EDNRB: variants seen among roughly 807,000 people sequenced by gnomAD.
EDNRB encodes the protein Hirschsprung disease 2.
In EDNRB, 18 loss-of-function variants were observed where a neutral mutation model predicts 46.4. That is an observed-to-expected ratio of 0.39 (90% CI 0.27 to 0.57). The LOEUF is 0.57. Ranked by LOEUF, EDNRB falls within the 20% of genes least tolerant of loss-of-function variation. The probability of loss-of-function intolerance (pLI) is 0.61; values close to 1 mark genes in which losing one functional copy is unlikely to be tolerated. For synonymous variants in EDNRB, 213 were observed against 204.9 expected (o/e 1.04, Z -0.34); for missense variants, 434 against 537.5 (o/e 0.81, Z 1.90).
chr13:77,907,428 C>T (rs762770318), intron 1 of EDNRB, among the ~76,000 whole-genome samples: 2 of 151,918 alleles, frequency 1.3e-5, no homozygotes, highest in Non-Finnish European at 2.9e-5. Context: ...CCTATATTTG[C>T]AGCTTGCAAA....
At chr13:77,942,846 AT>A (rs1300069882) in intron 1 of EDNRB, among the ~76,000 whole-genome samples, 1 of 152,164 alleles carries the variant, frequency 6.6e-6, no homozygotes, top group Non-Finnish European at 1.5e-5. Flanking sequence ...TCTAAATTAT[AT>A]AGGCTTTTTC....
At chr13:77,944,954 A>C (rs1315834636) in intron 1 of EDNRB, 1 of 152,174 alleles carries the variant, frequency 6.6e-6, no homozygotes, top group Non-Finnish European at 1.5e-5. Flanking sequence ...AAAGAAATGG[A>C]AGAGTTGGTA....
intron 1 of EDNRB, among the ~76,000 whole-genome samples, chr13:77,926,676 A>G (rs930100223): frequency 5.3e-5 from 8 of 151,824 alleles, no homozygotes; most frequent in Admixed American, 1.3e-4. Flanking sequence ...AAACTCTTCC[A>G]CCTCTGCGTG....
chr13:77,898,691 T>C (rs1234710611), intron 6 of EDNRB, among the ~76,000 whole-genome samples: 2 of 152,036 alleles, frequency 1.3e-5, no homozygotes, highest in Non-Finnish European at 2.9e-5. Flanking sequence ...AAATAAATTA[T>C]ACACATGTAT....
chr13:77,958,378 T>A (rs1881301219), intron 1 of EDNRB, among the ~76,000 whole-genome samples: 1 of 150,958 alleles, frequency 6.6e-6, no homozygotes, highest in Admixed American at 6.6e-5. Flanking sequence ...ATTTATTTAT[T>A]TATTTATTTA....
rs547348750 is a variant in EDNRB, at chr13:77,963,620, C to G, written c.-52+11727G>C. On this transcript the variant is annotated intron_variant, in intron 1 of 7. Coordinates refer to the EDNRB transcript ENST00000646948. ...CTTACACCTTATACAAAAATTAATT[C>G]AAGATGGATTAAAGACTTAAATGTT... 6.2e-3 allele frequency among the ~76,000 whole-genome samples: 936 copies of G among 151,818 alleles called. 10 individuals are homozygous for G. Among genetic ancestry groups the G allele is most frequent in the African/African-American group, 0.021 (859 of 41,272 alleles).
At chr13:77,908,292 A>G (rs1201577129) in intron 1 of EDNRB, among the ~76,000 whole-genome samples, 1 of 151,928 alleles carries the variant, frequency 6.6e-6, no homozygotes, top group Non-Finnish European at 1.5e-5. Context: ...CTGTGACAGA[A>G]ACCATGCCCA....
intron 1 of EDNRB, among the ~76,000 whole-genome samples, chr13:77,961,098 A>T (rs1187298897): frequency 6.6e-6 from 1 of 152,132 alleles, no homozygotes; most frequent in Non-Finnish European, 1.5e-5. Context: ...ATAATGGGAG[A>T]CTTTAACACC....
intron 1 of EDNRB, among the ~76,000 whole-genome samples, chr13:77,906,022 A>G (rs1305355337): frequency 1.3e-5 from 2 of 151,932 alleles, no homozygotes; most frequent in Admixed American, 6.6e-5. Context: ...CCAAGAAAGG[A>G]AGCACTGATG....
chr13:77,943,213 C>T (rs918441216), intron 1 of EDNRB, among the ~76,000 whole-genome samples: 4 of 152,030 alleles, frequency 2.6e-5, no homozygotes, highest in African/African-American at 9.7e-5. Flanking sequence ...ATTGACTTAC[C>T]TAAATTATCT....
At chr13:77,966,135 T>A (rs1881574857) in intron 1 of EDNRB, among the ~76,000 whole-genome samples, 1 of 152,136 alleles carries the variant, frequency 6.6e-6, no homozygotes, top group Admixed American at 6.6e-5. Flanking sequence ...GTGCTCCTCA[T>A]ACCTTGGCCT....
At chr13:77,942,895 C>G (rs1880794815) in intron 1 of EDNRB, among the ~76,000 whole-genome samples, 1 of 152,046 alleles carries the variant, frequency 6.6e-6, no homozygotes, top group African/African-American at 2.4e-5. Flanking sequence ...CTTCCCTCTA[C>G]TTATAGTAAT....
At chr13:77,900,911 C>A in intron 4 of EDNRB, 147 bp downstream of exon 4, 2 of 971,160 alleles carry the variant, frequency 2.1e-6, no homozygotes, top group Admixed American at 2.8e-5. Context: ...TAAAAATATT[C>A]TTTATCTATT....
chr13:77,974,567 C>G (rs1204300093), intron 1 of EDNRB, among the ~76,000 whole-genome samples: 2 of 151,560 alleles, frequency 1.3e-5, no homozygotes, highest in African/African-American at 2.4e-5. Context: ...TTCTTAACTA[C>G]TTGTATATCT....
At chr13:77,972,892 T>A (rs939058468) in intron 1 of EDNRB, among the ~76,000 whole-genome samples, 7 of 152,204 alleles carry the variant, frequency 4.6e-5, no homozygotes, top group African/African-American at 1.7e-4. Context: ...TTGACTCAGG[T>A]GTGATGAGTC....
rs1878699747 is a variant in EDNRB, at chr13:77,897,598, T to A, written c.*602A>T. 1 of 985,392 alleles carries A rather than the reference T, an allele frequency of 1.0e-6. No homozygotes were observed. Among genetic ancestry groups the A allele is most frequent in the Non-Finnish European group, 1.2e-6 (1 of 830,082 alleles). The allele number at this position is 985,392 out of a possible 1,614,324, so 61.0% of individuals were successfully genotyped here. On this transcript the variant is annotated 3_prime_UTR_variant, in exon 7 of 7. Transcript: ENST00000646607. ...GGGCTTCTAGTGAAAGTGTAATGAT[T>A]TTCAAAAACAGCCTTGCTCTTTCTG... is the stretch of plus-strand genomic sequence containing the variant.
intron 1 of EDNRB, among the ~76,000 whole-genome samples, chr13:77,958,415 C>T (rs531307959): frequency 1.9e-4 from 29 of 152,120 alleles, no homozygotes; most frequent in African/African-American, 7.0e-4. Flanking sequence ...CGCTGTCTCC[C>T]AGGCTGGAGC....
chr13:77,967,110 A>G (rs564156759), intron 1 of EDNRB, among the ~76,000 whole-genome samples: 2 of 152,298 alleles, frequency 1.3e-5, no homozygotes, highest in East Asian at 3.9e-4. Context: ...TTAAGAGAAG[A>G]CTGAATAATA....
chr13:77,927,865 G>A (rs1238499792), intron 1 of EDNRB, among the ~76,000 whole-genome samples: 3 of 152,214 alleles, frequency 2.0e-5, no homozygotes, highest in Non-Finnish European at 4.4e-5. Flanking sequence ...GGGACCTGGT[G>A]TGAGGTAATT....
Sources: gnomAD v4.1 joint callset for allele counts (sites outside exome capture counted in the v4.1 genomes callset) on GRCh38, gnomAD v4.1.1 for gene constraint, MANE v1.5 for transcripts, NCBI Gene and HGNC (gene_info 2026-07-23, HGNC 2026-07-21) for gene names.